The following PSMA1 variants were observed in gnomAD, a reference collection of about 807,000 sequenced individuals.
PSMA1 encodes the protein proteasome 20S subunit alpha 1.
A neutral mutation model predicts 38.4 loss-of-function variants in PSMA1; 3 were observed. The observed-to-expected ratio is 0.08, with a 90% CI of 0.04 to 0.20. The LOEUF (loss-of-function observed/expected upper bound fraction) is 0.20. PSMA1 is among the 10% of genes least tolerant of loss of function. The probability of loss-of-function intolerance (pLI) is 1.00; values close to 1 mark genes in which losing one functional copy is unlikely to be tolerated. For missense variants in PSMA1, 227 were observed against 325.3 expected (o/e 0.70, Z 2.32); for synonymous variants, 101 against 107.1 (o/e 0.94, Z 0.35).
intron 2 of PSMA1, among the ~76,000 whole-genome samples, chr11:14,557,988 T>G (rs1156628780): frequency 6.6e-6 from 1 of 152,054 alleles, no homozygotes; most frequent in East Asian, 1.9e-4. Flanking sequence ...CCAGTATGAG[T>G]GAATCTGAAT....
At chr11:14,565,658 G>C (rs950155605) in intron 2 of PSMA1, among the ~76,000 whole-genome samples, 4 of 152,154 alleles carry the variant, frequency 2.6e-5, no homozygotes, top group Non-Finnish European at 4.4e-5. Flanking sequence ...CTAAATCCTT[G>C]GTATATCATG....
At chr11:14,592,586 C>A (rs1014513433) in intron 2 of PSMA1, among the ~76,000 whole-genome samples, 2 of 152,008 alleles carry the variant, frequency 1.3e-5, no homozygotes, top group African/African-American at 4.8e-5. Flanking sequence ...GGGGTTTCAC[C>A]GTGTTAGCCA....
intron 7 of PSMA1, among the ~76,000 whole-genome samples, chr11:14,511,795 G>C (rs1195965346): frequency 6.6e-6 from 1 of 152,120 alleles, no homozygotes; most frequent in African/African-American, 2.4e-5. Context: ...TTGTACCAGA[G>C]GTTCCAGCCA....
chr11:14,566,199 A>T (rs1852069416), intron 2 of PSMA1, among the ~76,000 whole-genome samples: 1 of 152,212 alleles, frequency 6.6e-6, no homozygotes, highest in South Asian at 2.1e-4. Flanking sequence ...ATGACATGAT[A>T]TGACTAAGGC....
chr11:14,518,181 A>G (rs1361595973), intron 2 of PSMA1, among the ~76,000 whole-genome samples, 200 bp from the exon 3 acceptor site: 3 of 151,660 alleles, frequency 2.0e-5, no homozygotes, highest in African/African-American at 7.3e-5. Flanking sequence ...AGCTCAGTAC[A>G]ACCTCTGCCT....
At position 14,600,585 on chromosome 11, in the gene PSMA1, C is replaced by T. The variant is rs183180811; in HGVS notation, c.21+10381G>A. Among the ~76,000 whole-genome samples, 3 of 152,374 alleles carry T rather than the reference C, an allele frequency of 2.0e-5. No individual in the cohort carries two copies. The East Asian group carries it at 5.8e-4, about 29-fold the overall frequency. ...AGAGAATCACCTTGTCTGCTGGTTG[C>T]TAAGACCTTGGGAACAGCACTGTAT... On this transcript the variant is annotated intron_variant, in intron 2 of 10. Coordinates refer to the PSMA1 transcript ENST00000418988.
chr11:14,533,024 A>G (rs1215221754), intron 2 of PSMA1, among the ~76,000 whole-genome samples: 1 of 152,192 alleles, frequency 6.6e-6, no homozygotes, highest in East Asian at 1.9e-4. Flanking sequence ...GAGAAGGGAG[A>G]ATATCCTGAG....
intron 2 of PSMA1, among the ~76,000 whole-genome samples, chr11:14,562,420 C>T (rs1852019953): frequency 6.6e-6 from 1 of 152,182 alleles, no homozygotes; most frequent in Non-Finnish European, 1.5e-5. Flanking sequence ...GGTCTTTAGC[C>T]CAGACCTCAA....
intron 2 of PSMA1, among the ~76,000 whole-genome samples, chr11:14,544,132 C>T (rs1851800578): frequency 6.6e-6 from 1 of 152,158 alleles, no homozygotes; most frequent in Non-Finnish European, 1.5e-5. Flanking sequence ...TGGGCTCAAG[C>T]GATCCTCCCA....
At chr11:14,607,753 A>C (rs527735109) in intron 2 of PSMA1, among the ~76,000 whole-genome samples, 4 of 152,324 alleles carry the variant, frequency 2.6e-5, no homozygotes, top group African/African-American at 9.6e-5. Flanking sequence ...GCAATGCAGC[A>C]GTTCTTAGAA....
At chr11:14,599,779 G>A (rs143015457) in intron 2 of PSMA1, among the ~76,000 whole-genome samples, 1,893 of 152,208 alleles carry the variant, frequency 0.012, 33 homozygotes, top group African/African-American at 0.044. Flanking sequence ...GCTTTGTTCC[G>A]TTGCTGGCTA....
intron 1 of PSMA1, among the ~76,000 whole-genome samples, chr11:14,617,999 G>C (rs1208116341): frequency 6.6e-6 from 1 of 152,168 alleles, no homozygotes; most frequent in Non-Finnish European, 1.5e-5. Flanking sequence ...CTATGTTCTA[G>C]TAGTTTTTAG....
At chr11:14,576,673 T>G (rs1852220637) in intron 2 of PSMA1, among the ~76,000 whole-genome samples, 1 of 152,192 alleles carries the variant, frequency 6.6e-6, no homozygotes, top group Non-Finnish European at 1.5e-5. Flanking sequence ...TGCTGTTTTG[T>G]TTACTGTAGC....
chr11:14,563,391 A>G (rs532695494), intron 2 of PSMA1, among the ~76,000 whole-genome samples: 1 of 152,200 alleles, frequency 6.6e-6, no homozygotes, highest in Non-Finnish European at 1.5e-5. Context: ...ACGAATAAGC[A>G]GAGTTAATTG....
At chr11:14,643,198 T>A (rs1320367464) in intron 1 of PSMA1, among the ~76,000 whole-genome samples, 1 of 151,428 alleles carries the variant, frequency 6.6e-6, no homozygotes, top group Non-Finnish European at 1.5e-5. Context: ...GGCCCAAGAA[T>A]CCACGTTGCT....
intron 2 of PSMA1, among the ~76,000 whole-genome samples, chr11:14,560,656 C>T (rs979737294): frequency 4.6e-5 from 7 of 152,182 alleles, no homozygotes; most frequent in Non-Finnish European, 7.3e-5. Context: ...CAGGGCCACT[C>T]CTACTTCTTA....
chr11:14,620,055 C>A (rs1045564869), intron 1 of PSMA1, among the ~76,000 whole-genome samples: 3 of 151,648 alleles, frequency 2.0e-5, no homozygotes, highest in African/African-American at 4.9e-5. Flanking sequence ...TATAAACACT[C>A]GTGTGTGTGT....
chr11:14,552,914 T>G (rs1460080532), intron 2 of PSMA1, among the ~76,000 whole-genome samples: 5 of 150,136 alleles, frequency 3.3e-5, no homozygotes, highest in African/African-American at 1.2e-4. Context: ...GCAGCCACAA[T>G]TTCCTGGGCT....
At chr11:14,593,840 T>C (rs911470153) in intron 2 of PSMA1, among the ~76,000 whole-genome samples, 6 of 152,216 alleles carry the variant, frequency 3.9e-5, no homozygotes, top group Non-Finnish European at 8.8e-5. Flanking sequence ...TTCATTCTCT[T>C]TCTTCCTCTT....
Sources: allele counts gnomAD v4.1 joint callset (sites outside exome capture counted in the v4.1 genomes callset), GRCh38; gene constraint gnomAD v4.1.1; transcripts MANE v1.5; gene names NCBI Gene and HGNC (gene_info 2026-07-23, HGNC 2026-07-21).